PDRG1: variants seen among roughly 807,000 people sequenced by gnomAD.
PDRG1 encodes the protein p53 and DNA damage-regulated protein 1.
PDRG1 carries 14 observed loss-of-function variants against 18.4 expected under a neutral mutation model. The observed-to-expected ratio is 0.76, with a 90% CI of 0.50 to 1.19. The LOEUF is 1.19. Among genes scored for constraint, PDRG1 ranks in the 50% most tolerant of loss-of-function variants. PDRG1 has a pLI of 0.00. For synonymous variants in PDRG1, 65 were observed against 60.9 expected, an observed-to-expected ratio of 1.07 and a Z score of -0.31; for missense variants, 177 against 160.1, an observed-to-expected ratio of 1.11 and a Z score of -0.57.
In PDRG1 at chr20:31,945,075, T is replaced by C. The variant is rs1170759625; in HGVS notation, c.*732A>G. ...GAAGGCAGACAGTAACGAGCAGTGC[T>C]GGCCGGGCCCCACTTTCAGAGGGGG... On this transcript the variant is annotated 3_prime_UTR_variant, in exon 5 of 5. Transcript: ENST00000202017. 2 of 152,292 alleles carry C rather than the reference T, an allele frequency of 1.3e-5. No homozygotes were observed. Among genetic ancestry groups the C allele is most frequent in the Non-Finnish European group, 2.9e-5 (2 of 68,090 alleles). The allele number at this position is 152,292 out of a possible 1,614,324, so 9.4% of individuals were successfully genotyped here.
chr20:31,948,344 T>G (rs2064331525), intron 3 of PDRG1, among the ~76,000 whole-genome samples: 1 of 152,182 alleles, frequency 6.6e-6, no homozygotes, highest in African/African-American at 2.4e-5. Flanking sequence ...AAGCCTTCTG[T>G]CTTTCCTCCA....
In PDRG1 at chr20:31,951,436, T is replaced by C. The variant is rs929667454; in HGVS notation, c.87+439A>G. Among the ~76,000 whole-genome samples, 4 of 151,986 alleles carry C rather than the reference T, an allele frequency of 2.6e-5. No individual in the cohort carries two copies. The East Asian group carries it at 7.7e-4, about 29-fold the overall frequency. On this transcript the variant is annotated intron_variant, in intron 1 of 4. Coordinates refer to ENST00000202017, the MANE Select transcript of PDRG1 (RefSeq NM_030815.3). The stretch of plus-strand genomic sequence containing the variant: ...ACGTCACCCTCCTTCCCCCAGGAAC[T>C]CCCCTCAAAAACTTGGCACTTAAAA...
chr20:31,951,778 A>T, intron 1 of PDRG1, 97 bp downstream of exon 1: 1 of 1,311,776 alleles, frequency 7.6e-7, no homozygotes, highest in Non-Finnish European at 1.0e-6. Context: ...GTCGCCTCGG[A>T]GCCGTTAACC....
At chr20:31,950,457 G>A in intron 1 of PDRG1, 70 bp from the exon 2 acceptor site, 1 of 1,157,910 alleles carries the variant, frequency 8.6e-7, no homozygotes, top group Non-Finnish European at 1.3e-6. Flanking sequence ...TGACAGACAA[G>A]GGTTGCAGAG....
chr20:31,946,607 A>G (rs2064320958), intron 3 of PDRG1, 31 bp from the exon 4 acceptor site: 1 of 1,562,940 alleles, frequency 6.4e-7, no homozygotes, highest in Non-Finnish European at 8.8e-7. Context: ...AGCAGAGGAT[A>G]AGATTGTACC....
At position 31,951,908 on chromosome 20, in the gene PDRG1, C is replaced by T. The variant is rs763636608; in HGVS notation, c.54G>A (p.Glu18=). Residue 18 remains glutamate, a synonymous_variant, in exon 1 of 5, where the codon GAG becomes GAA. Transcript: ENST00000202017. ...TGTCCGCCAGCACCTCCTCGGCGAG[C>T]TCCTCCACTTCTACAAGGTACCGCA... ...RVLRYLVEVE[E]LAEEVLADKR... is the part of the protein sequence containing the mutation. 3 of 1,593,196 alleles carry T rather than the reference C, an allele frequency of 1.9e-6. 1 individual carries two copies. The highest frequency in any genetic ancestry group is 4.7e-5 in the East Asian group (2 of 43,000).
Position 31,945,857 on chromosome 20 carries a change from G to C in PDRG1, c.352C>G (p.Pro118Ala). ...GCTTTAAGCTCATCCTGGTTGAGGG[G>C]GTTCAAGTTAAAACCCTTCAGCTCC... Reference protein sequence around the residue: ...KPELKGFNLNPLNQDELKALK... With the variant: ...KPELKGFNLNALNQDELKALK... The change falls in exon 5 of 5, where the codon CCC becomes GCC. Residue 118 changes from proline (P) to alanine (A), a missense_variant. Physicochemically the swap from Pro to Ala is conservative, Grantham distance 27. Transcript: ENST00000202017. 2.5e-6 allele frequency: 4 copies of C among 1,613,874 alleles called. No individual in the cohort carries two copies. The highest frequency in any genetic ancestry group is 3.4e-6 in the Non-Finnish European group (4 of 1,179,970).
chr20:31,947,839 G>A (rs747863137), intron 3 of PDRG1, among the ~76,000 whole-genome samples: 4 of 152,026 alleles, frequency 2.6e-5, no homozygotes, highest in South Asian at 2.1e-4. Context: ...GCAGTGAGCC[G>A]AGATAGCACC....
At chr20:31,946,146 A>G (rs6089127) in intron 4 of PDRG1, among the ~76,000 whole-genome samples, 79,763 of 152,034 alleles carry the variant, frequency 0.52, 24,600 homozygotes, top group African/African-American at 0.86. Context: ...GAGTGCTTGC[A>G]TTTATCAAGA....
At chr20:31,946,359 T>C in intron 4 of PDRG1, 137 bp downstream of exon 4, 1 of 772,460 alleles carries the variant, frequency 1.3e-6, no homozygotes, top group South Asian at 1.5e-5. Context: ...CCAACCACTG[T>C]GCACACCTCC....
At position 31,948,554 on chromosome 20, in the gene PDRG1, T is replaced by G. The variant is rs117308382; in HGVS notation, c.238+254A>C. Among the ~76,000 whole-genome samples the G allele has an allele frequency of 7.9e-5, 12 of 152,288 alleles. No individual in the cohort carries two copies. The East Asian group carries it at 2.1e-3, about 27-fold the overall frequency. On this transcript the variant is annotated intron_variant, in intron 3 of 4. Coordinates refer to ENST00000202017, the MANE Select transcript of PDRG1 (RefSeq NM_030815.3). ...TGCAGCCCAACTGATTCCTCACTAA[T>G]AAGAAAGCACTATGCTAGGCACACA...
rs1185484459 is a variant in PDRG1, at chr20:31,952,015, G to C, written c.-54C>G. 6 of 1,488,056 alleles carry C rather than the reference G, an allele frequency of 4.0e-6. No individual in the cohort carries two copies. Among genetic ancestry groups the C allele is most frequent in the Non-Finnish European group, 3.6e-6 (4 of 1,122,230 alleles). The allele number at this position is 1,488,056 out of a possible 1,614,324, so 92.2% of individuals were successfully genotyped here. A position where few individuals can be genotyped will look rare whatever the true frequency, so the allele number is the denominator to read the frequency against. The stretch of plus-strand genomic sequence containing the variant: ...CGCGCGACCCCGGGATCTCCGCTTC[G>C]ACTCCCGCTGCGCACGCGCCGCTCT... On this transcript the variant is annotated 5_prime_UTR_variant, in exon 1 of 5. Transcript: ENST00000202017.
chr20:31,948,820 T>C lies in PDRG1; in HGVS notation c.226A>G (p.Met76Val). 6.2e-7 allele frequency: 1 copy of C among 1,613,882 alleles called. No individual in the cohort carries two copies. The highest frequency in any genetic ancestry group is 8.5e-7 in the Non-Finnish European group (1 of 1,179,890). Reference sequence around the variant, plus strand: ...CAGGAGGCCTTACCTTTTTCAATCATTTCCTTTGTCTCAGGGTGAGGCATC... The same window carrying C: ...CAGGAGGCCTTACCTTTTTCAATCACTTCCTTTGTCTCAGGGTGAGGCATC... ...IKMPHPETKE[M>V]IEKDQDHLDK... The change falls in exon 3 of 5, where the codon ATG becomes GTG. Residue 76 changes from methionine to valine, a missense_variant. By Grantham distance (21) the Met-to-Val change is conservative. Coordinates refer to ENST00000202017, the MANE Select transcript of PDRG1 (RefSeq NM_030815.3).
rs910179757 is a variant in PDRG1 at position 31,946,567 on chromosome 20, T to C, written c.248A>G (p.His83Arg). 1 of 1,611,700 alleles carries C rather than the reference T, an allele frequency of 6.2e-7. No homozygotes were observed. Among genetic ancestry groups the C allele is most frequent in the Non-Finnish European group, 8.5e-7 (1 of 1,177,894 alleles). ...TKEMIEKDQDHLDKEIEKLRK... is the reference protein window; with the variant it reads ...TKEMIEKDQDRLDKEIEKLRK... ...CAGTTTTTCTATTTCTTTATCCAGA[T>C]GATCTTGATCTGAAAAAATGAGGGG... is the stretch of plus-strand genomic sequence containing the variant. The change falls in exon 4 of 5, where the codon CAT (histidine) becomes CGT (arginine). Residue 83 changes from histidine to arginine, a missense_variant. By Grantham distance (29) the His-to-Arg change is conservative. Transcript: ENST00000202017.
At chr20:31,950,816 C>G (rs2064347197) in intron 1 of PDRG1, among the ~76,000 whole-genome samples, 2 of 152,112 alleles carry the variant, frequency 1.3e-5, no homozygotes, top group Non-Finnish European at 2.9e-5. Flanking sequence ...ATTGGGGGCA[C>G]TGAGACAGTG....
In PDRG1 at chr20:31,944,839, C is replaced by T. The variant is rs932000128; in HGVS notation, c.*968G>A. The T allele has an allele frequency of 6.6e-6, 1 of 152,196 alleles. No homozygotes were observed. Among genetic ancestry groups the T allele is most frequent in the African/African-American group, 2.4e-5 (1 of 41,440 alleles). 9.4% of individuals were successfully genotyped at this position (152,196 alleles called of 1,614,324 possible). ...CTGCCATGCTGCCATTTGTTATCAC[C>T]CGCCTGTCAAATCACAGGTTTATTT... On this transcript the variant is annotated 3_prime_UTR_variant, in exon 5 of 5. Coordinates refer to ENST00000202017, the MANE Select transcript of PDRG1 (RefSeq NM_030815.3).
At chr20:31,951,627 G>A (rs946684714) in intron 1 of PDRG1, among the ~76,000 whole-genome samples, 5 of 152,134 alleles carry the variant, frequency 3.3e-5, no homozygotes, top group Non-Finnish European at 5.9e-5. Context: ...TGAAACAGGT[G>A]CTCAGGGAAA....
chr20:31,946,674 G>T, intron 3 of PDRG1, 98 bp from the exon 4 acceptor site: 1 of 1,099,636 alleles, frequency 9.1e-7, no homozygotes, highest in Non-Finnish European at 1.4e-6. Flanking sequence ...AGGGCGTGTA[G>T]CTTTCAGGAA....
chr20:31,951,975 T>C lies in PDRG1; in HGVS notation c.-14A>G, dbSNP rs1247730151. ...GGGTGATAGCATAGCGCCCACCAAC[T>C]CCGCTTGCGGCTCTCGCGCGACCCC... On this transcript the variant is annotated 5_prime_UTR_variant, in exon 1 of 5. Transcript: ENST00000202017. 1 of 1,546,266 alleles carries C rather than the reference T, an allele frequency of 6.5e-7. No individual in the cohort carries two copies. The highest frequency in any genetic ancestry group is 8.7e-7 in the Non-Finnish European group (1 of 1,148,682).
Sources: allele counts gnomAD v4.1 joint callset (sites outside exome capture counted in the v4.1 genomes callset), GRCh38; gene constraint gnomAD v4.1.1; transcripts MANE v1.5; gene names NCBI Gene and HGNC (gene_info 2026-07-23, HGNC 2026-07-21).